Variants in CACHD1 observed in about 807,000 individuals in gnomAD.
CACHD1 encodes the protein VWFA and cache domain-containing protein 1.
In CACHD1, 71 loss-of-function variants were observed where a neutral mutation model predicts 138.7. That is an observed-to-expected ratio of 0.51 (90% CI 0.42 to 0.62). CACHD1 has a LOEUF of 0.62. Among genes scored for constraint, CACHD1 ranks in the 20% least tolerant of loss-of-function variants. The pLI, the probability that CACHD1 is intolerant of heterozygous loss-of-function variation, is 0.00. For missense variants in CACHD1, 1,389 were observed against 1,625.3 expected, an observed-to-expected ratio of 0.85 and a Z score of 2.50; for synonymous variants, 578 against 591.5, an observed-to-expected ratio of 0.98 and a Z score of 0.33.
intron 1 of CACHD1, among the ~76,000 whole-genome samples, chr1:64,532,888 C>CTAG (rs917264306): frequency 2.0e-5 from 3 of 152,014 alleles, no homozygotes; most frequent in African/African-American, 7.3e-5. Context: ...AGTAGTGGTA[C>CTAG]TAGTAGTAGT....
chr1:64,578,924 G>A (rs1328756081), intron 2 of CACHD1, among the ~76,000 whole-genome samples: 3 of 152,188 alleles, frequency 2.0e-5, no homozygotes, highest in African/African-American at 7.2e-5. Flanking sequence ...AGGGGGACAT[G>A]TAGACCCCAC....
chr1:64,691,509 G>GC lies in CACHD1; in HGVS notation c.3775dup (p.His1259ProfsTer60), dbSNP rs750394630. The GC allele has an allele frequency of 6.2e-6, 10 of 1,613,906 alleles. No individual in the cohort carries two copies. The highest frequency in any genetic ancestry group is 8.5e-6 in the Non-Finnish European group (10 of 1,179,992). ...TCACACCACCCTACACTTCATCATA[G>GC]CCACCACTTACAGGCGGCCGTCACG... On this transcript the variant is annotated frameshift_variant, in exon 27 of 27. Transcript: ENST00000651257. LOFTEE classifies it high-confidence loss of function.
At chr1:64,518,002 C>T (rs1328114719) in intron 1 of CACHD1, among the ~76,000 whole-genome samples, 3 of 152,144 alleles carry the variant, frequency 2.0e-5, no homozygotes, top group Non-Finnish European at 4.4e-5. Flanking sequence ...GCTTGTGATC[C>T]TCTTTGAACA....
intron 16 of CACHD1, among the ~76,000 whole-genome samples, chr1:64,670,367 A>C (rs535458026): frequency 6.6e-6 from 1 of 152,246 alleles, no homozygotes; most frequent in Non-Finnish European, 1.5e-5. Context: ...TTTTCTGGAA[A>C]TTATAATGCC....
chr1:64,481,527 G>A (rs947051619), intron 1 of CACHD1, among the ~76,000 whole-genome samples: 7 of 152,178 alleles, frequency 4.6e-5, no homozygotes, highest in African/African-American at 1.7e-4. Flanking sequence ...CAGCTGTCCT[G>A]TGCAGATAAA....
chr1:64,612,691 CA>C (rs542773002), intron 4 of CACHD1, among the ~76,000 whole-genome samples: 37 of 150,762 alleles, frequency 2.5e-4, no homozygotes, highest in African/African-American at 9.0e-4. Flanking sequence ...CCCCACTCCT[CA>C]AAAAAAAAGA....
intron 14 of CACHD1, 137 bp downstream of exon 14, chr1:64,663,974 C>G (rs1649540387): frequency 2.6e-6 from 3 of 1,144,040 alleles, no homozygotes; most frequent in Admixed American, 2.5e-5. Context: ...GAGTGTGTGG[C>G]CCAGGGGAGG....
intron 1 of CACHD1, among the ~76,000 whole-genome samples, chr1:64,494,199 A>G (rs1328094216): frequency 6.6e-6 from 1 of 152,248 alleles, no homozygotes; most frequent in Non-Finnish European, 1.5e-5. Context: ...GATCACTTTA[A>G]GCCCACAACA....
intron 1 of CACHD1, among the ~76,000 whole-genome samples, chr1:64,500,770 G>T (rs533941327): frequency 1.4e-5 from 2 of 148,130 alleles, no homozygotes; most frequent in Admixed American, 6.8e-5. Context: ...GAGAGAGTCC[G>T]GACGCGGTGG....
chr1:64,638,268 G>A (rs887029525), intron 7 of CACHD1, among the ~76,000 whole-genome samples: 1 of 152,152 alleles, frequency 6.6e-6, no homozygotes, highest in South Asian at 2.1e-4. Flanking sequence ...AATGTCTACT[G>A]TATATCTGGT....
At chr1:64,664,240 C>T (rs527669992) in intron 14 of CACHD1, 15 of 535,946 alleles carry the variant, frequency 2.8e-5, no homozygotes, top group South Asian at 2.4e-4. Context: ...ATATTAATGA[C>T]TCGCTATAGG....
chr1:64,599,487 A>G (rs1363135670), intron 3 of CACHD1, among the ~76,000 whole-genome samples: 1 of 152,080 alleles, frequency 6.6e-6, no homozygotes, highest in African/African-American at 2.4e-5. Flanking sequence ...GGAGAGCATC[A>G]CAATTGGGGT....
chr1:64,653,245 C>T (rs1007425847), intron 10 of CACHD1, among the ~76,000 whole-genome samples: 6 of 151,590 alleles, frequency 4.0e-5, no homozygotes, highest in East Asian at 1.9e-4. Flanking sequence ...GAAAGCGGGA[C>T]GAGGGAGAGG....
At chr1:64,500,734 AAGAGAGAGAGAG>A (rs5774705) in intron 1 of CACHD1, among the ~76,000 whole-genome samples, 10 of 26,482 alleles carry the variant, frequency 3.8e-4, no homozygotes, top group African/African-American at 6.7e-4. Context: ...AAAAAAAAAA[AAGAGAGAGAGAG>A]AGAGAGAGAG....
intron 2 of CACHD1, chr1:64,579,715 T>C (rs1646996860): frequency 6.6e-6 from 1 of 152,410 alleles, no homozygotes; most frequent in African/African-American, 2.4e-5. Context: ...AAGATAAGGT[T>C]GATGACTCTC....
Position 64,668,639 on chromosome 1 carries a change from G to A in CACHD1, c.2387+2472G>A, listed in dbSNP as rs1000760252. Among the ~76,000 whole-genome samples the A allele has an allele frequency of 2.0e-5, 3 of 152,214 alleles. No individual in the cohort carries two copies. In the East Asian group the frequency reaches 5.8e-4, roughly 29 times the overall value. On this transcript the variant is annotated intron_variant, in intron 16 of 26. Transcript: ENST00000651257. ...CAAGAAATGGCAGTTGAAGTCCTGG[G>A]TTCTGCCTCCTGAGTCACTCAGTGA...
chr1:64,524,907 C>T (rs1646525338), intron 1 of CACHD1, among the ~76,000 whole-genome samples: 1 of 152,058 alleles, frequency 6.6e-6, no homozygotes, highest in Non-Finnish European at 1.5e-5. Flanking sequence ...ATGAGAGACT[C>T]ATTTCCATTT....
In CACHD1 at chr1:64,470,728, G is replaced by T. The variant is rs1000950888; in HGVS notation, c.-17G>T. ...CCCGCGCCCGGAGCCCGTCGGCGGG[G>T]AGTGGGGGGAGGCAGCATGGCCCGC... On this transcript the variant is annotated 5_prime_UTR_variant, in exon 1 of 27. Transcript: ENST00000651257. The surrounding 1 kb of genome is among the most constrained non-coding windows in gnomAD (Gnocchi z 5.2). 44 of 548,272 alleles carry T rather than the reference G, an allele frequency of 8.0e-5. No homozygotes were observed. Among genetic ancestry groups the T allele is most frequent in the African/African-American group, 8.0e-4 (40 of 50,156 alleles). The allele number at this position is 548,272 out of a possible 1,614,324, so 34.0% of individuals were successfully genotyped here.
rs139377462 is a variant in CACHD1, at chr1:64,585,074, T to G, written c.410+2770T>G. ...CAGTACCATTTAGAATAGAGAAAAT[T>G]ATAAATACTCTAAATTTCTAGCAAT... On this transcript the variant is annotated intron_variant, in intron 3 of 26. Coordinates refer to ENST00000651257, the MANE Select transcript of CACHD1 (RefSeq NM_020925.4). 2.1e-3 allele frequency among the ~76,000 whole-genome samples: 317 copies of G among 152,272 alleles called. 2 individuals are homozygous for G. The highest frequency in any genetic ancestry group is 7.1e-3 in the African/African-American group (296 of 41,548).
Sources: allele counts gnomAD v4.1 joint callset (sites outside exome capture counted in the v4.1 genomes callset), GRCh38; gene constraint gnomAD v4.1.1; non-coding constraint Gnocchi (gnomAD v3.1); transcripts MANE v1.5; gene names NCBI Gene and HGNC (gene_info 2026-07-23, HGNC 2026-07-21).